Variants in NYAP2 observed in about 807,000 individuals in gnomAD.
NYAP2 encodes the protein neuronal tyrosine-phosphorylated phosphoinositide-3-kinase adapter 2.
In NYAP2, 23 loss-of-function variants were observed where a neutral mutation model predicts 50.4. The ratio of observed to expected loss-of-function variants is 0.46; its 90% confidence interval spans 0.33 to 0.65. The LOEUF is 0.65. Ranked by LOEUF, NYAP2 falls within the 30% of genes least tolerant of loss-of-function variation. The pLI is 0.02. For synonymous variants in NYAP2, 394 were observed against 365.2 expected, an observed-to-expected ratio of 1.08 and a Z score of -0.90; for missense variants, 885 against 861.0, an observed-to-expected ratio of 1.03 and a Z score of -0.35.
intron 4 of NYAP2, among the ~76,000 whole-genome samples, chr2:225,546,735 G>A (rs1047287822): frequency 6.6e-6 from 1 of 151,998 alleles, no homozygotes; most frequent in Non-Finnish European, 1.5e-5. Flanking sequence ...TTACTTTTCT[G>A]TCTGGTTTTC....
At chr2:225,668,397 C>A in the NYAP2 span, among the ~76,000 whole-genome samples, 1 of 152,158 alleles carries the variant, frequency 6.6e-6, no homozygotes, top group Non-Finnish European at 1.5e-5. Flanking sequence ...GATTTGTCTA[C>A]TCTATATACT....
chr2:225,572,922 A>G (rs921288939), intron 4 of NYAP2, among the ~76,000 whole-genome samples: 6 of 152,050 alleles, frequency 3.9e-5, no homozygotes, highest in Non-Finnish European at 7.4e-5. Flanking sequence ...TCCTTTATAT[A>G]TATATTAATA....
At chr2:225,621,338 G>A (rs939307816) in intron 5 of NYAP2, among the ~76,000 whole-genome samples, 6 of 152,126 alleles carry the variant, frequency 3.9e-5, no homozygotes, top group Admixed American at 2.0e-4. Context: ...ATTATTGTGC[G>A]GGAATATATT....
intron 3 of NYAP2, among the ~76,000 whole-genome samples, chr2:225,469,240 G>A (rs890432545): frequency 6.6e-6 from 1 of 152,162 alleles, no homozygotes; most frequent in African/African-American, 2.4e-5. Flanking sequence ...AGACATTTAT[G>A]CAGCCAACAA....
chr2:225,463,969 G>T (rs1257816488), intron 3 of NYAP2, among the ~76,000 whole-genome samples: 4 of 152,154 alleles, frequency 2.6e-5, no homozygotes, highest in African/African-American at 9.7e-5. Context: ...ATGCAACAAA[G>T]AACAGCCCTG....
intron 5 of NYAP2, among the ~76,000 whole-genome samples, chr2:225,595,891 C>T (rs1197635719): frequency 6.6e-6 from 1 of 152,180 alleles, no homozygotes; most frequent in East Asian, 1.9e-4. Flanking sequence ...CACAAACTGG[C>T]TTCCTCTTCT....
chr2:225,642,747 A>G (rs1445429765), intron 6 of NYAP2, among the ~76,000 whole-genome samples: 2 of 152,218 alleles, frequency 1.3e-5, no homozygotes, highest in African/African-American at 4.8e-5. Context: ...GAACTAAGAT[A>G]ACTGGTGATA....
At chr2:225,481,740 C>A (rs1690210478) in intron 3 of NYAP2, among the ~76,000 whole-genome samples, 1 of 152,094 alleles carries the variant, frequency 6.6e-6, no homozygotes, top group African/African-American at 2.4e-5. Flanking sequence ...TTGTGACATT[C>A]TGGGTCAGGG....
intron 6 of NYAP2, among the ~76,000 whole-genome samples, chr2:225,637,963 G>T (rs1031145736): frequency 6.6e-6 from 1 of 152,178 alleles, no homozygotes; most frequent in Non-Finnish European, 1.5e-5. Context: ...CAGAAGCAGA[G>T]CTTGCAAAGG....
chr2:225,506,708 A>T (rs921870447), intron 3 of NYAP2, among the ~76,000 whole-genome samples: 2 of 152,150 alleles, frequency 1.3e-5, no homozygotes, highest in Non-Finnish European at 2.9e-5. Flanking sequence ...AGAAAGTGTA[A>T]ATATTAGTTT....
intron 2 of NYAP2, among the ~76,000 whole-genome samples, chr2:225,406,787 T>G (rs1694946969): frequency 6.6e-6 from 1 of 151,984 alleles, no homozygotes; most frequent in Non-Finnish European, 1.5e-5. Flanking sequence ...AGAACAAAAA[T>G]AATTTAAATT....
At chr2:225,628,315 GTTTTTTTTT>G (rs543647777) in intron 6 of NYAP2, among the ~76,000 whole-genome samples, 1 of 109,420 alleles carries the variant, frequency 9.1e-6, no homozygotes, top group African/African-American at 3.4e-5. Context: ...AGAACACATA[GTTTTTTTTT>G]TTTTTTTTTT....
chr2:225,455,120 T>TA (rs907874458), intron 3 of NYAP2, among the ~76,000 whole-genome samples: 4 of 151,746 alleles, frequency 2.6e-5, no homozygotes, highest in South Asian at 4.2e-4. Flanking sequence ...AAAACAAAAT[T>TA]AAAAAAACCA....
chr2:225,475,951 G>GA (rs1690097386), intron 3 of NYAP2, among the ~76,000 whole-genome samples: 1 of 152,186 alleles, frequency 6.6e-6, no homozygotes, highest in Non-Finnish European at 1.5e-5. Flanking sequence ...CAGAACTGCA[G>GA]AGATTAGATG....
intron 5 of NYAP2, among the ~76,000 whole-genome samples, chr2:225,606,496 G>A (rs1016188871): frequency 6.6e-6 from 1 of 152,194 alleles, no homozygotes; most frequent in South Asian, 2.1e-4. Flanking sequence ...ACATAAAAAT[G>A]TTCTACATTA....
At chr2:225,561,848 TC>T (rs1691881676) in intron 4 of NYAP2, among the ~76,000 whole-genome samples, 1 of 152,130 alleles carries the variant, frequency 6.6e-6, no homozygotes, top group Non-Finnish European at 1.5e-5. Flanking sequence ...AAATGTTAAA[TC>T]ATGTGCTCAT....
At position 225,496,695 on chromosome 2, in the gene NYAP2, G is replaced by A. The variant is rs111423828; in HGVS notation, c.222-16676G>A. ...AGATTCTTTCCAATAAGGAAGCTGT[G>A]AAGTTAAATTTCCCTGGTCACCTTC... On this transcript the variant is annotated intron_variant, in intron 3 of 6. Coordinates refer to ENST00000636099, the Ensembl canonical transcript of NYAP2. Among the ~76,000 whole-genome samples the A allele has an allele frequency of 2.4e-3, 370 of 152,162 alleles. 4 individuals are homozygous for A. Among genetic ancestry groups the A allele is most frequent in the African/African-American group, 8.4e-3 (350 of 41,436 alleles).
chr2:225,603,530 C>T (rs540623422), intron 5 of NYAP2, among the ~76,000 whole-genome samples: 389 of 152,194 alleles, frequency 2.6e-3, no homozygotes, highest in Non-Finnish European at 3.7e-3. Context: ...AATGCGATCT[C>T]GGCTCACTGC....
intron 5 of NYAP2, among the ~76,000 whole-genome samples, chr2:225,625,389 C>T (rs1693192029): frequency 6.6e-6 from 1 of 152,090 alleles, no homozygotes; most frequent in Non-Finnish European, 1.5e-5. Flanking sequence ...ACAAACAAAA[C>T]CTCAATACCT....
Sources: allele counts gnomAD v4.1 joint callset (sites outside exome capture counted in the v4.1 genomes callset), GRCh38; gene constraint gnomAD v4.1.1; transcripts MANE v1.5; gene names NCBI Gene and HGNC (gene_info 2026-07-23, HGNC 2026-07-21).